The following NELL1 variants were observed in gnomAD, a reference collection of about 807,000 sequenced individuals.
NELL1 encodes protein kinase C-binding protein NELL1.
In NELL1, 76 loss-of-function variants were observed where a neutral mutation model predicts 107.4. That is an observed-to-expected ratio of 0.71 (90% CI 0.59 to 0.86). The LOEUF (loss-of-function observed/expected upper bound fraction) is 0.86, where lower values mean the gene tolerates loss of function less well. Among genes scored for constraint, NELL1 ranks in the 40% least tolerant of loss-of-function variants. The pLI is 0.00. For synonymous variants in NELL1, 353 were observed against 341.2 expected (o/e 1.03, Z -0.38); for missense variants, 1,024 against 1,005.5 (o/e 1.02, Z -0.25).
At chr11:20,734,722 G>A (rs1304726378) in intron 2 of NELL1, among the ~76,000 whole-genome samples, 1 of 152,204 alleles carries the variant, frequency 6.6e-6, no homozygotes, top group Non-Finnish European at 1.5e-5. Context: ...GGTCAAACAA[G>A]TCCAGGGTTC....
chr11:21,097,558 G>A (rs1854677899), intron 12 of NELL1, among the ~76,000 whole-genome samples: 1 of 152,122 alleles, frequency 6.6e-6, no homozygotes, highest in Non-Finnish European at 1.5e-5. Context: ...GTACAGAGGT[G>A]GAGTGTGTGA....
chr11:21,511,394 C>T (rs1299329827), intron 15 of NELL1, among the ~76,000 whole-genome samples: 3 of 152,128 alleles, frequency 2.0e-5, no homozygotes, highest in African/African-American at 7.2e-5. Flanking sequence ...AAGCGCCCTC[C>T]ACTAAGCCTG....
At chr11:20,820,077 C>G (rs1857716854) in intron 3 of NELL1, among the ~76,000 whole-genome samples, 1 of 152,142 alleles carries the variant, frequency 6.6e-6, no homozygotes, top group Non-Finnish European at 1.5e-5. Context: ...GGTTTTATGG[C>G]CCCAAATTTC....
chr11:21,564,899 T>C (rs1856934916), intron 17 of NELL1, among the ~76,000 whole-genome samples: 1 of 151,902 alleles, frequency 6.6e-6, no homozygotes, highest in Non-Finnish European at 1.5e-5. Context: ...CTGAAGATGG[T>C]CATGCCAGCG....
chr11:21,073,287 TA>T (rs1854058358), intron 12 of NELL1, among the ~76,000 whole-genome samples: 1 of 152,086 alleles, frequency 6.6e-6, no homozygotes, highest in Non-Finnish European at 1.5e-5. Context: ...CTGGAGATTT[TA>T]AAGAAAAAAT....
chr11:20,680,729 G>A (rs1405227118), intron 2 of NELL1, among the ~76,000 whole-genome samples: 1 of 152,106 alleles, frequency 6.6e-6, no homozygotes, highest in Non-Finnish European at 1.5e-5. Flanking sequence ...ATTCCTCTGA[G>A]ACATCGTTCA....
intron 13 of NELL1, among the ~76,000 whole-genome samples, chr11:21,204,119 TG>T (rs1857335582): frequency 6.6e-6 from 1 of 152,154 alleles, no homozygotes; most frequent in Non-Finnish European, 1.5e-5. Flanking sequence ...AGTATTTTTG[TG>T]GTGGTCTCTG....
intron 5 of NELL1, among the ~76,000 whole-genome samples, chr11:20,888,525 G>A (rs1404700147): frequency 6.6e-6 from 1 of 151,868 alleles, no homozygotes; most frequent in Non-Finnish European, 1.5e-5. Flanking sequence ...ATAGTAAACA[G>A]AGATAAAGGT....
intron 2 of NELL1, among the ~76,000 whole-genome samples, chr11:20,686,642 T>C (rs934261562): frequency 2.6e-5 from 4 of 152,304 alleles, no homozygotes; most frequent in African/African-American, 9.6e-5. Context: ...TTCGAACATT[T>C]GGCCACTGTG....
chr11:21,420,477 G>C (rs1852638008), intron 15 of NELL1, among the ~76,000 whole-genome samples: 1 of 152,134 alleles, frequency 6.6e-6, no homozygotes, highest in Admixed American at 6.6e-5. Flanking sequence ...AATGGAAACT[G>C]ACAGTAGATT....
At chr11:21,241,925 T>G in intron 14 of NELL1, among the ~76,000 whole-genome samples, 1 of 136,124 alleles carries the variant, frequency 7.3e-6, no homozygotes, top group South Asian at 2.5e-4. Flanking sequence ...TTTTTTTGCC[T>G]AATTGTGTCA....
At chr11:21,180,343 G>A (rs1430028574) in intron 13 of NELL1, among the ~76,000 whole-genome samples, 1 of 151,698 alleles carries the variant, frequency 6.6e-6, no homozygotes, top group Non-Finnish European at 1.5e-5. Flanking sequence ...TTTTTTACAT[G>A]ACTGAAATAT....
intron 14 of NELL1, among the ~76,000 whole-genome samples, chr11:21,355,021 C>A (rs374649561): frequency 1.3e-5 from 2 of 152,104 alleles, no homozygotes; most frequent in African/African-American, 2.4e-5. Flanking sequence ...ATGTTGAATG[C>A]CAAATTTTGA....
chr11:21,003,116 A>G (rs770336585), intron 12 of NELL1, among the ~76,000 whole-genome samples: 2 of 152,170 alleles, frequency 1.3e-5, no homozygotes, highest in Non-Finnish European at 2.9e-5. Context: ...TTTGCTGAGC[A>G]TTTCCTATGT....
chr11:21,102,932 T>C (rs950897044), intron 12 of NELL1, among the ~76,000 whole-genome samples: 5 of 152,332 alleles, frequency 3.3e-5, no homozygotes, highest in Non-Finnish European at 7.4e-5. Context: ...GTCATAGATA[T>C]AGTCACATAT....
At chr11:20,820,829 G>A (rs1464941497) in intron 3 of NELL1, among the ~76,000 whole-genome samples, 1 of 152,140 alleles carries the variant, frequency 6.6e-6, no homozygotes, top group East Asian at 1.9e-4. Flanking sequence ...CTCTAGCGTA[G>A]CCCCTTCTCT....
chr11:21,372,698 C>T (rs921780027), intron 15 of NELL1, among the ~76,000 whole-genome samples: 2 of 151,724 alleles, frequency 1.3e-5, no homozygotes, highest in African/African-American at 4.8e-5. Flanking sequence ...GGGGTGGTTT[C>T]ACGAATCTGC....
intron 12 of NELL1, among the ~76,000 whole-genome samples, chr11:21,042,730 G>A (rs1853266129): frequency 6.6e-6 from 1 of 152,100 alleles, no homozygotes. Flanking sequence ...TGCAGGTGAT[G>A]ACGTTTGAAA....
At chr11:21,386,702 G>C (rs11026061) in intron 15 of NELL1, among the ~76,000 whole-genome samples, 30,763 of 151,816 alleles carry the variant, frequency 0.2, 3,196 homozygotes, top group East Asian at 0.26. Flanking sequence ...CATTTTTCCA[G>C]ATGCTTGGTC....
Sources: allele counts gnomAD v4.1 joint callset (sites outside exome capture counted in the v4.1 genomes callset), GRCh38; gene constraint gnomAD v4.1.1; transcripts MANE v1.5; gene names NCBI Gene and HGNC (gene_info 2026-07-23, HGNC 2026-07-21).